Variants in ZNF407 observed in about 807,000 individuals in gnomAD.
ZNF407 encodes zinc finger protein 407.
In ZNF407, 17 loss-of-function variants were observed where a neutral mutation model predicts 131.2. That is an observed-to-expected ratio of 0.13 (90% CI 0.09 to 0.19). The LOEUF is 0.19. ZNF407 is among the 10% of genes least tolerant of loss of function. ZNF407 has a pLI of 1.00. For synonymous variants in ZNF407, 1,156 were observed against 1,062.0 expected, an observed-to-expected ratio of 1.09 and a Z score of -1.72; for missense variants, 2,681 against 2,830.6, an observed-to-expected ratio of 0.95 and a Z score of 1.20.
At chr18:74,978,344 T>A (rs1452260156) in intron 8 of ZNF407, among the ~76,000 whole-genome samples, 1 of 152,130 alleles carries the variant, frequency 6.6e-6, no homozygotes, top group Admixed American at 6.5e-5. Context: ...AAATAGGTCG[T>A]AAGGAGCCAT....
intron 4 of ZNF407, among the ~76,000 whole-genome samples, chr18:74,824,182 G>T (rs574645645): frequency 1.3e-5 from 2 of 152,072 alleles, no homozygotes; most frequent in African/African-American, 4.8e-5. Flanking sequence ...AAGACACAAC[G>T]TACCAGAATC....
At chr18:74,727,383 T>C (rs1968182361) in intron 3 of ZNF407, among the ~76,000 whole-genome samples, 1 of 152,192 alleles carries the variant, frequency 6.6e-6, no homozygotes, top group Admixed American at 6.5e-5. Flanking sequence ...CTCTCACTCA[T>C]CCAGGTCCCT....
chr18:74,740,142 C>T (rs188516900), intron 3 of ZNF407, among the ~76,000 whole-genome samples: 3 of 152,248 alleles, frequency 2.0e-5, no homozygotes, highest in Admixed American at 2.0e-4. Context: ...GTCCACACTC[C>T]CTCTGGAGGT....
intron 3 of ZNF407, among the ~76,000 whole-genome samples, chr18:74,776,808 G>A (rs1401951821): frequency 6.6e-6 from 1 of 152,202 alleles, no homozygotes; most frequent in East Asian, 1.9e-4. Flanking sequence ...TGTATTATAT[G>A]CTGTATTCTT....
At chr18:74,784,580 ATTATT>A (rs1969669125) in intron 4 of ZNF407, among the ~76,000 whole-genome samples, 1 of 152,240 alleles carries the variant, frequency 6.6e-6, no homozygotes, top group South Asian at 2.1e-4. Flanking sequence ...TCTGCATTAA[ATTATT>A]TTAGTGCAGT....
intron 4 of ZNF407, among the ~76,000 whole-genome samples, chr18:74,818,873 A>AG (rs1970302734): frequency 6.6e-6 from 1 of 151,798 alleles, no homozygotes; most frequent in Admixed American, 6.6e-5. Context: ...AGTAAAAAAA[A>AG]AAAAAAAGCT....
intron 4 of ZNF407, among the ~76,000 whole-genome samples, chr18:74,856,292 G>A (rs1599200287): frequency 6.6e-6 from 1 of 152,162 alleles, no homozygotes; most frequent in Non-Finnish European, 1.5e-5. Flanking sequence ...AAAAGCATTT[G>A]TCACAACGCA....
At chr18:75,056,226 G>A (rs1212495334) in intron 8 of ZNF407, among the ~76,000 whole-genome samples, 2 of 152,186 alleles carry the variant, frequency 1.3e-5, no homozygotes, top group Non-Finnish European at 2.9e-5. Context: ...TAACATGCAT[G>A]TCAAAGGCTA....
intron 4 of ZNF407, among the ~76,000 whole-genome samples, chr18:74,812,034 A>T (rs1223979464): frequency 6.6e-6 from 1 of 151,470 alleles, no homozygotes. Context: ...GTATAAAAAT[A>T]AAAAAAAATA....
At chr18:74,873,387 C>T (rs182768013) in intron 4 of ZNF407, among the ~76,000 whole-genome samples, 119 of 152,250 alleles carry the variant, frequency 7.8e-4, no homozygotes, top group African/African-American at 2.7e-3. Context: ...GTGCTGAACA[C>T]CCTGGCTTGC....
chr18:74,872,766 G>GAAAAAAAAAAAAAA (rs5826351), intron 4 of ZNF407, among the ~76,000 whole-genome samples: 2 of 123,210 alleles, frequency 1.6e-5, no homozygotes, highest in Non-Finnish European at 1.6e-5. Flanking sequence ...AAAAAAAAAA[G>GAAAAAAAAAAAAAA]AAAAAAAAAA....
chr18:74,675,175 T>G (rs1004569416), intron 3 of ZNF407, among the ~76,000 whole-genome samples: 5 of 152,330 alleles, frequency 3.3e-5, no homozygotes, highest in African/African-American at 1.2e-4. Flanking sequence ...GCCTTTATAC[T>G]TATGCTTTCT....
intron 8 of ZNF407, among the ~76,000 whole-genome samples, chr18:74,934,379 T>G (rs1972015560): frequency 6.6e-6 from 1 of 152,230 alleles, no homozygotes; most frequent in African/African-American, 2.4e-5. Flanking sequence ...CTGGTTTCAT[T>G]AAGTTAATAT....
chr18:74,743,306 A>G (rs189054255), intron 3 of ZNF407, among the ~76,000 whole-genome samples: 99 of 152,146 alleles, frequency 6.5e-4, no homozygotes, highest in Admixed American at 1.7e-3. Context: ...TCTCTTTGAT[A>G]CTGAACTCGG....
chr18:74,925,055 C>G (rs1479883914), intron 8 of ZNF407, among the ~76,000 whole-genome samples: 3 of 152,176 alleles, frequency 2.0e-5, no homozygotes, highest in Non-Finnish European at 4.4e-5. Context: ...GTAATGATTA[C>G]AAGGTGTTCT....
intron 4 of ZNF407, chr18:74,804,514 A>G (rs1432602570): frequency 4.0e-6 from 4 of 987,940 alleles, no homozygotes; most frequent in Non-Finnish European, 3.6e-6. Context: ...TCACACTCAG[A>G]TGCAAAAATA....
intron 8 of ZNF407, among the ~76,000 whole-genome samples, chr18:74,966,496 G>A (rs1046393767): frequency 6.6e-6 from 1 of 152,086 alleles, no homozygotes; most frequent in Admixed American, 6.6e-5. Context: ...TTGTTTCTGG[G>A]TTCTGTATTC....
At chr18:74,628,857 G>T (rs1983920638) in intron 1 of ZNF407, among the ~76,000 whole-genome samples, 1 of 152,088 alleles carries the variant, frequency 6.6e-6, no homozygotes, top group Admixed American at 6.5e-5. Flanking sequence ...TGGGATTGTA[G>T]GCATGAGCTA....
intron 4 of ZNF407, among the ~76,000 whole-genome samples, chr18:74,834,843 TC>T (rs2145122966): frequency 6.6e-6 from 1 of 152,324 alleles, no homozygotes; most frequent in South Asian, 2.1e-4. Flanking sequence ...TTAGATGCCT[TC>T]CAGAGTTCAT....
Sources: gnomAD v4.1 joint callset for allele counts (sites outside exome capture counted in the v4.1 genomes callset) on GRCh38, gnomAD v4.1.1 for gene constraint, MANE v1.5 for transcripts, NCBI Gene and HGNC (gene_info 2026-07-23, HGNC 2026-07-21) for gene names.